The following QTGAL variants were observed in gnomAD, a reference collection of about 807,000 sequenced individuals.
QTGAL encodes the protein BGnT-like protein 1.
chr17:82,969,574 T>G, the QTGAL span, among the ~76,000 whole-genome samples: 1 of 152,180 alleles, frequency 6.6e-6, no homozygotes, highest in African/African-American at 2.4e-5. Context: ...GAGGCTGAGG[T>G]GGGAATTCGA....
At chr17:82,959,462 CA>C in the QTGAL span, among the ~76,000 whole-genome samples, 1 of 80,228 alleles carries the variant, frequency 1.2e-5, no homozygotes, top group African/African-American at 4.6e-5. Flanking sequence ...TGTGCACGTG[CA>C]GTGTGTGTGT....
At chr17:82,946,984 C>T in the QTGAL span, 17 of 1,558,054 alleles carry the variant, frequency 1.1e-5, no homozygotes, top group Non-Finnish European at 1.4e-5. Flanking sequence ...CTGTGAGGTC[C>T]TGTCAGGAGC....
the QTGAL span, chr17:82,957,321 G>A: frequency 6.2e-7 from 1 of 1,613,912 alleles, no homozygotes; most frequent in Admixed American, 1.7e-5. Flanking sequence ...CAGTACGGGG[G>A]CAGGGCAGGC....
the QTGAL span, among the ~76,000 whole-genome samples, chr17:82,998,243 C>A: frequency 6.6e-6 from 1 of 152,050 alleles, no homozygotes; most frequent in Non-Finnish European, 1.5e-5. Flanking sequence ...AATATACGTA[C>A]TTACTATGTA....
chr17:83,003,574 G>A, the QTGAL span, among the ~76,000 whole-genome samples: 1 of 44,488 alleles, frequency 2.2e-5, no homozygotes, highest in African/African-American at 1.0e-4. Flanking sequence ...GGATTCCTGA[G>A]CCCGCCCTCC....
At chr17:83,051,289 C>T in the QTGAL span, among the ~76,000 whole-genome samples, 1 of 120,838 alleles carries the variant, frequency 8.3e-6, no homozygotes. Context: ...GGGGCAGGTG[C>T]GCAGGAGCGA....
At chr17:82,971,531 A>G in the QTGAL span, among the ~76,000 whole-genome samples, 28,272 of 136,206 alleles carry the variant, frequency 0.21, 3,820 homozygotes, top group East Asian at 0.35. Flanking sequence ...CAGCAGAAAG[A>G]AAGGCTGGGA....
chr17:82,953,202 G>A, the QTGAL span, among the ~76,000 whole-genome samples: 3 of 152,186 alleles, frequency 2.0e-5, no homozygotes, highest in African/African-American at 7.2e-5. Context: ...AGAACTGAAG[G>A]AGATAGAGAC....
chr17:82,952,565 GTTCT>G, the QTGAL span, among the ~76,000 whole-genome samples: 1 of 152,180 alleles, frequency 6.6e-6, no homozygotes, highest in East Asian at 1.9e-4. Flanking sequence ...CATAAAACAA[GTTCT>G]TAGAGACCTA....
the QTGAL span, chr17:82,978,859 A>C: frequency 1.3e-5 from 2 of 152,184 alleles, no homozygotes; most frequent in Non-Finnish European, 2.9e-5. The surrounding 1 kb of genome is among the most constrained non-coding windows in gnomAD (Gnocchi z 4.8). Flanking sequence ...AATCAGCAGC[A>C]GCCCCACCCA....
At chr17:83,035,417 C>T in the QTGAL span, among the ~76,000 whole-genome samples, 3 of 152,128 alleles carry the variant, frequency 2.0e-5, no homozygotes, top group Non-Finnish European at 4.4e-5. Context: ...GATCTGCCCA[C>T]CTCGGCCTCC....
At chr17:82,987,224 CTAT>C in the QTGAL span, among the ~76,000 whole-genome samples, 5 of 152,168 alleles carry the variant, frequency 3.3e-5, no homozygotes, top group Non-Finnish European at 5.9e-5. Context: ...TATACACCTA[CTAT>C]GTGTCCATAA....
the QTGAL span, among the ~76,000 whole-genome samples, chr17:83,034,287 C>T: frequency 6.6e-6 from 1 of 152,216 alleles, no homozygotes; most frequent in Admixed American, 6.5e-5. Context: ...TAAGGTTATT[C>T]ATCTTTTAAG....
the QTGAL span, among the ~76,000 whole-genome samples, chr17:83,039,523 CGCCCCTGTTCT>C: frequency 6.3e-5 from 8 of 126,200 alleles, no homozygotes; most frequent in Middle Eastern, 4.1e-3. Context: ...GCCCGCCGCC[CGCCCCTGTTCT>C]AGACACACTG....
At chr17:82,951,798 A>AGGGGGGG in the QTGAL span, among the ~76,000 whole-genome samples, 2 of 25,578 alleles carry the variant, frequency 7.8e-5, no homozygotes, top group South Asian at 1.5e-3. Context: ...AGGCCTGAGG[A>AGGGGGGG]GGGGTGGGGT....
the QTGAL span, among the ~76,000 whole-genome samples, chr17:82,951,016 C>T: frequency 0.02 from 3,015 of 152,238 alleles, 105 homozygotes; most frequent in African/African-American, 0.069. Flanking sequence ...TGCAATTTTT[C>T]GAATTTTTGC....
chr17:82,997,930 A>AAATATAT, the QTGAL span, among the ~76,000 whole-genome samples: 3 of 131,648 alleles, frequency 2.3e-5, no homozygotes, highest in Non-Finnish European at 3.2e-5. Context: ...TAAAAAAAAA[A>AAATATAT]ATATATATAT....
chr17:82,962,879 G>T, the QTGAL span, among the ~76,000 whole-genome samples: 1,429 of 147,138 alleles, frequency 9.7e-3, 71 homozygotes, highest in Admixed American at 0.09. Context: ...CCTGGGAGGA[G>T]GGGGACGCAG....
the QTGAL span, among the ~76,000 whole-genome samples, chr17:83,011,888 C>T: frequency 2.0e-5 from 3 of 152,054 alleles, no homozygotes; most frequent in Non-Finnish European, 4.4e-5. Flanking sequence ...GAACACACGC[C>T]ACGAACTCCT....
Sources: gnomAD v4.1 joint callset for allele counts (sites outside exome capture counted in the v4.1 genomes callset) on GRCh38, gnomAD v4.1.1 for gene constraint, Gnocchi (gnomAD v3.1) non-coding constraint, MANE v1.5 for transcripts, NCBI Gene and HGNC (gene_info 2026-07-23, HGNC 2026-07-21) for gene names.